Variants in KCNK2 observed in about 807,000 individuals in gnomAD.
KCNK2 encodes the protein potassium two pore domain channel subfamily K member 2.
Under a neutral mutation model 40.5 loss-of-function variants are expected in KCNK2, and 21 were observed. The ratio of observed to expected loss-of-function variants is 0.52; its 90% CI spans 0.37 to 0.75. The LOEUF (loss-of-function observed/expected upper bound fraction) is 0.75. Ranked by LOEUF, KCNK2 falls within the 30% of genes least tolerant of loss-of-function variation. The pLI, the probability that KCNK2 is intolerant of heterozygous loss-of-function variation, is 0.00. For missense variants in KCNK2, 399 were observed against 531.6 expected, an observed-to-expected ratio of 0.75 and a Z score of 2.45; for synonymous variants, 191 against 202.2, an observed-to-expected ratio of 0.94 and a Z score of 0.47.
intron 3 of KCNK2, among the ~76,000 whole-genome samples, chr1:215,139,247 ATG>A (rs1233270025): frequency 6.6e-6 from 1 of 152,116 alleles, no homozygotes; most frequent in African/African-American, 2.4e-5. Flanking sequence ...ATGTATGGAT[ATG>A]TGTGTGTGAA....
chr1:215,201,393 T>A (rs898913411), intron 6 of KCNK2, among the ~76,000 whole-genome samples: 1 of 152,180 alleles, frequency 6.6e-6, no homozygotes, highest in African/African-American at 2.4e-5. Context: ...TTCCCTGGCA[T>A]GGGTGCAATA....
intron 3 of KCNK2, among the ~76,000 whole-genome samples, chr1:215,160,474 G>A (rs1012107131): frequency 6.6e-6 from 1 of 152,134 alleles, no homozygotes; most frequent in South Asian, 2.1e-4. Context: ...CAGGAGCACA[G>A]GTTTATTGTA....
chr1:215,014,667 A>T (rs1285955987), intron 1 of KCNK2, among the ~76,000 whole-genome samples: 1 of 152,110 alleles, frequency 6.6e-6, no homozygotes. Context: ...GTGAATTAAG[A>T]AACCACATCC....
chr1:215,158,196 T>A (rs941258081), intron 3 of KCNK2, among the ~76,000 whole-genome samples: 3 of 152,184 alleles, frequency 2.0e-5, no homozygotes, highest in African/African-American at 7.2e-5. Flanking sequence ...AGGTCTCTCT[T>A]CTGTTGTCTG....
chr1:215,074,847 C>T (rs986522111), intron 1 of KCNK2, among the ~76,000 whole-genome samples: 7 of 152,108 alleles, frequency 4.6e-5, no homozygotes, highest in Admixed American at 1.3e-4. Context: ...TTATGTCACT[C>T]AGCTTTGAAA....
chr1:215,017,969 A>C (rs934411487), intron 1 of KCNK2, among the ~76,000 whole-genome samples: 1 of 152,184 alleles, frequency 6.6e-6, no homozygotes, highest in South Asian at 2.1e-4. Context: ...AACACACATC[A>C]AGTATTCAAT....
Position 215,219,862 on chromosome 1 carries a change from A to G in KCNK2, c.964-14966A>G, listed in dbSNP as rs190437203. ...AGGCTTGGCCACTGGGAGCCCCTTG[A>G]AACTTCTCTGAATTTTTGGCATATC... On this transcript the variant is annotated intron_variant, in intron 6 of 6. Coordinates refer to ENST00000444842, the MANE Select transcript of KCNK2 (RefSeq NM_001017425.3). Among the ~76,000 whole-genome samples, 443 of 152,282 alleles carry G rather than the reference A, an allele frequency of 2.9e-3. 1 individual carries two copies. Among genetic ancestry groups the G allele is most frequent in the Non-Finnish European group, 4.9e-3 (330 of 68,016 alleles).
At chr1:215,029,266 A>G (rs1214551749) in intron 1 of KCNK2, among the ~76,000 whole-genome samples, 2 of 151,878 alleles carry the variant, frequency 1.3e-5, no homozygotes, top group African/African-American at 4.8e-5. Flanking sequence ...AATTCTCTGT[A>G]TTTCACCTAA....
chr1:215,048,598 C>G (rs1657870227), intron 1 of KCNK2, among the ~76,000 whole-genome samples: 1 of 152,140 alleles, frequency 6.6e-6, no homozygotes, highest in African/African-American at 2.4e-5. Flanking sequence ...TGAATTTTGA[C>G]TTAAATTTTA....
At chr1:215,216,615 AAT>A (rs1365328277) in intron 6 of KCNK2, among the ~76,000 whole-genome samples, 1 of 133,094 alleles carries the variant, frequency 7.5e-6, no homozygotes, top group Non-Finnish European at 1.7e-5. Context: ...TTAATTTTCT[AAT>A]AGTCTTACTA....
intron 1 of KCNK2, among the ~76,000 whole-genome samples, chr1:215,024,531 CTTAAAGA>C (rs1341936723): frequency 2.6e-5 from 4 of 152,148 alleles, no homozygotes; most frequent in Non-Finnish European, 5.9e-5. Flanking sequence ...AAGGAGTAGG[CTTAAAGA>C]TGTCTTGCAA....
chr1:215,085,214 G>A (rs975338422), intron 1 of KCNK2, among the ~76,000 whole-genome samples: 9 of 152,088 alleles, frequency 5.9e-5, no homozygotes, highest in African/African-American at 1.9e-4. Context: ...TTATATACAC[G>A]ATAGCAAGTT....
At chr1:215,109,180 T>G (rs1411591663) in intron 2 of KCNK2, among the ~76,000 whole-genome samples, 1 of 152,078 alleles carries the variant, frequency 6.6e-6, no homozygotes, top group Non-Finnish European at 1.5e-5. Flanking sequence ...GTCACCTAAG[T>G]GTCTATCATT....
chr1:215,226,516 G>A (rs1233044275), intron 6 of KCNK2, among the ~76,000 whole-genome samples: 3 of 151,980 alleles, frequency 2.0e-5, no homozygotes, highest in African/African-American at 7.2e-5. Context: ...TGGTAGAGAC[G>A]GGGTTTCACC....
chr1:215,102,894 C>G (rs538822481), intron 2 of KCNK2, among the ~76,000 whole-genome samples: 4 of 151,984 alleles, frequency 2.6e-5, no homozygotes, highest in Non-Finnish European at 4.4e-5. Flanking sequence ...CTATGAAGTT[C>G]ACACAAGGAT....
chr1:215,017,983 A>T lies in KCNK2; in HGVS notation c.34+12028A>T, dbSNP rs115185649. Among the ~76,000 whole-genome samples, 756 of 152,310 alleles carry T rather than the reference A, an allele frequency of 5.0e-3. 5 individuals are homozygous for T. Among genetic ancestry groups the T allele is most frequent in the Non-Finnish European group, 9.0e-3 (613 of 68,000 alleles). ...TAACACACATCAAGTATTCAATTGGAGATGCATTTTGAGAGAATGAAGGAA... is the reference window on the plus strand; with the variant it reads ...TAACACACATCAAGTATTCAATTGGTGATGCATTTTGAGAGAATGAAGGAA... On this transcript the variant is annotated intron_variant, in intron 1 of 6. Coordinates refer to the KCNK2 transcript ENST00000391895.
At chr1:215,060,886 G>A (rs1432302092) in intron 1 of KCNK2, among the ~76,000 whole-genome samples, 1 of 152,102 alleles carries the variant, frequency 6.6e-6, no homozygotes, top group Non-Finnish European at 1.5e-5. Flanking sequence ...CTATATGATT[G>A]TGCAACTAGA....
chr1:215,190,250 C>A (rs1349178972), intron 5 of KCNK2, among the ~76,000 whole-genome samples: 1 of 152,024 alleles, frequency 6.6e-6, no homozygotes, highest in Non-Finnish European at 1.5e-5. Flanking sequence ...GAGGACAGAG[C>A]AAGGTAAGGA....
At chr1:215,217,740 G>C (rs1666017019) in intron 6 of KCNK2, among the ~76,000 whole-genome samples, 1 of 152,130 alleles carries the variant, frequency 6.6e-6, no homozygotes, top group South Asian at 2.1e-4. Flanking sequence ...ACCACCTTTA[G>C]TTTATTAAAC....
Sources: allele counts gnomAD v4.1 joint callset (sites outside exome capture counted in the v4.1 genomes callset), GRCh38; gene constraint gnomAD v4.1.1; transcripts MANE v1.5; gene names NCBI Gene and HGNC (gene_info 2026-07-23, HGNC 2026-07-21).